Variants in ARHGEF10L observed in about 807,000 individuals in gnomAD.
The protein encoded by ARHGEF10L is Rho guanine nucleotide exchange factor 10 like, also known as rho guanine nucleotide exchange factor 10-like protein.
A neutral mutation model predicts 141.2 loss-of-function variants in ARHGEF10L; 69 were observed. That is an observed-to-expected ratio of 0.49 (90% CI 0.40 to 0.60). The LOEUF is 0.60. Ranked by LOEUF, ARHGEF10L falls within the 20% of genes least tolerant of loss-of-function variation. The pLI is 0.00. For missense variants in ARHGEF10L, 1,482 were observed against 1,734.3 expected (o/e 0.85, Z 2.58); for synonymous variants, 711 against 718.5 (o/e 0.99, Z 0.17).
At chr1:17,532,976 C>A in the ARHGEF10L span, among the ~76,000 whole-genome samples, 4 of 152,050 alleles carry the variant, frequency 2.6e-5, no homozygotes, top group Admixed American at 2.6e-4. Flanking sequence ...TTAACTGGTC[C>A]CTCTCTTTGC....
chr1:17,534,637 TG>T, the ARHGEF10L span, among the ~76,000 whole-genome samples: 2 of 150,532 alleles, frequency 1.3e-5, no homozygotes, highest in South Asian at 4.2e-4. Context: ...TTGCCCAGGC[TG>T]GAGTGCAGTG....
At chr1:17,593,119 C>T (rs1325409426) in intron 4 of ARHGEF10L, among the ~76,000 whole-genome samples, 1 of 152,190 alleles carries the variant, frequency 6.6e-6, no homozygotes, top group Non-Finnish European at 1.5e-5. Context: ...ACCTGGTTGG[C>T]ACATCTCTTC....
chr1:17,520,561 T>G, the ARHGEF10L span, among the ~76,000 whole-genome samples: 1 of 152,082 alleles, frequency 6.6e-6, no homozygotes, highest in Non-Finnish European at 1.5e-5. Flanking sequence ...TTGACACCCT[T>G]GTGTGTCAGG....
intron 6 of ARHGEF10L, among the ~76,000 whole-genome samples, chr1:17,605,426 C>A (rs912980512): frequency 3.9e-5 from 6 of 152,100 alleles, no homozygotes; most frequent in Non-Finnish European, 7.4e-5. Flanking sequence ...TTGATGAGGA[C>A]ACTGAGCAGG....
chr1:17,514,658 T>C, the ARHGEF10L span, among the ~76,000 whole-genome samples: 6 of 152,226 alleles, frequency 3.9e-5, no homozygotes, highest in Non-Finnish European at 8.8e-5. Flanking sequence ...GATGAAATCA[T>C]CTGGGAATTT....
intron 4 of ARHGEF10L, among the ~76,000 whole-genome samples, chr1:17,594,781 G>A (rs1259768491): frequency 1.3e-5 from 2 of 152,154 alleles, no homozygotes; most frequent in African/African-American, 2.4e-5. Context: ...CACCATACCC[G>A]GCCCCCTCAG....
intron 22 of ARHGEF10L, among the ~76,000 whole-genome samples, chr1:17,652,903 T>C (rs1270017337): frequency 6.6e-6 from 1 of 152,158 alleles, no homozygotes; most frequent in African/African-American, 2.4e-5. Context: ...CACAAGCTCA[T>C]TGGGCTGTGT....
the ARHGEF10L span, among the ~76,000 whole-genome samples, chr1:17,527,439 G>A: frequency 6.6e-6 from 1 of 152,216 alleles, no homozygotes; most frequent in African/African-American, 2.4e-5. Context: ...GAACTTGAGA[G>A]GCTGGCACGG....
At position 17,654,554 on chromosome 1, in the gene ARHGEF10L, G is replaced by A. The variant is rs1417794428; in HGVS notation, c.2395-82G>A. ...AGGGATTCTAATCCAGGGAGAGTTG[G>A]ATGGGGCCCAGGAATCTGCCAAATA... On this transcript the variant is annotated intron_variant, in intron 22 of 28. Coordinates refer to ENST00000361221, the MANE Select transcript of ARHGEF10L (RefSeq NM_018125.4). This position sits in a 1 kb window ranked among gnomAD's most constrained non-coding sequence, Gnocchi z 4.3. 1 of 1,246,360 alleles carries A rather than the reference G, an allele frequency of 8.0e-7. No individual in the cohort carries two copies. The highest frequency in any genetic ancestry group is 1.2e-6 in the Non-Finnish European group (1 of 845,998). 77.2% of individuals were successfully genotyped at this position (1,246,360 alleles called of 1,614,324 possible).
intron 1 of ARHGEF10L, among the ~76,000 whole-genome samples, chr1:17,542,409 A>C (rs1274991028): frequency 6.6e-6 from 1 of 152,190 alleles, no homozygotes; most frequent in Non-Finnish European, 1.5e-5. Flanking sequence ...TGATTGTGCC[A>C]CCGTACTACA....
chr1:17,615,867 GAA>G lies in ARHGEF10L; in HGVS notation c.727-221_727-220del. ...CTGCTCACATAGTCTGTCCTGAAAG[GAA>G]AAAAATCGGTTACAGCCTCCTGTTG... is the stretch of plus-strand genomic sequence containing the variant. On this transcript the variant is annotated intron_variant, in intron 8 of 28. Transcript: ENST00000361221. This position sits in a 1 kb window ranked among gnomAD's most constrained non-coding sequence, Gnocchi z 4.7. The G allele has an allele frequency of 3.8e-6, 2 of 524,600 alleles. No homozygotes were observed. The highest frequency in any genetic ancestry group is 4.8e-5 in the South Asian group (2 of 41,938). The allele number at this position is 524,600 out of a possible 1,614,324, so 32.5% of individuals were successfully genotyped here.
intron 1 of ARHGEF10L, among the ~76,000 whole-genome samples, chr1:17,565,988 T>C (rs1357070695): frequency 6.6e-6 from 1 of 152,156 alleles, no homozygotes. Flanking sequence ...ACAAGTACTG[T>C]AGCAGAATGC....
At chr1:17,617,970 G>A (rs2059899529) in intron 9 of ARHGEF10L, among the ~76,000 whole-genome samples, 1 of 152,182 alleles carries the variant, frequency 6.6e-6, no homozygotes, top group Non-Finnish European at 1.5e-5. Context: ...GACCATAAAT[G>A]GGTTTTCATC....
chr1:17,526,890 T>C, the ARHGEF10L span, among the ~76,000 whole-genome samples: 8 of 136,110 alleles, frequency 5.9e-5, no homozygotes, highest in African/African-American at 2.2e-4. Flanking sequence ...GACAAGAGAG[T>C]GAGACCCTGT....
rs141114044 is a variant in ARHGEF10L, at chr1:17,613,128, T to C, written c.680T>C (p.Val227Ala). 77 of 1,613,728 alleles carry C rather than the reference T, an allele frequency of 4.8e-5. No homozygotes were observed. The highest frequency in any genetic ancestry group is 6.3e-5 in the Non-Finnish European group (74 of 1,179,930). The change falls in exon 8 of 29, where the codon GTT becomes GCT. Residue 227 changes from valine (V) to alanine (A), a missense_variant. This residue lies in a region of ARHGEF10L where 392 missense variants were observed against 542.1 expected (regional missense o/e 0.72). Transcript: ENST00000361221. ...RTKRDILALRVGGRDMQELKH... is the reference protein window; with the variant it reads ...RTKRDILALRAGGRDMQELKH... Reference sequence around the variant, plus strand: ...AAGAGAGACATCTTGGCTTTGAGAGTTGGGGGGAGAGACATGCAGGAGCTG... The same window carrying C: ...AAGAGAGACATCTTGGCTTTGAGAGCTGGGGGGAGAGACATGCAGGAGCTG...
At chr1:17,611,805 G>A (rs1215275052) in intron 7 of ARHGEF10L, among the ~76,000 whole-genome samples, 1 of 152,096 alleles carries the variant, frequency 6.6e-6, no homozygotes, top group Admixed American at 6.5e-5. Context: ...ATTTGAGCAG[G>A]AGCCTACATG....
Position 17,558,863 on chromosome 1 carries a change from T to C in ARHGEF10L, c.-44+18913T>C, listed in dbSNP as rs1442452534. Among the ~76,000 whole-genome samples the C allele has an allele frequency of 6.6e-6, 1 of 152,178 alleles. No individual in the cohort carries two copies. Among genetic ancestry groups the C allele is most frequent in the African/African-American group, 2.4e-5 (1 of 41,444 alleles). Reference sequence around the variant, plus strand: ...GGACAACACTGTGCCACAGGCTCCCTGGGCTGGGCAGGGAGAATGGTGGGG... The same window carrying C: ...GGACAACACTGTGCCACAGGCTCCCCGGGCTGGGCAGGGAGAATGGTGGGG... On this transcript the variant is annotated intron_variant, in intron 1 of 28. Coordinates refer to ENST00000361221, the MANE Select transcript of ARHGEF10L (RefSeq NM_018125.4). This position sits in a 1 kb window ranked among gnomAD's most constrained non-coding sequence, Gnocchi z 4.2.
intron 16 of ARHGEF10L, among the ~76,000 whole-genome samples, chr1:17,632,955 G>A (rs1187279640): frequency 2.0e-5 from 3 of 152,222 alleles, no homozygotes; most frequent in African/African-American, 7.2e-5. Flanking sequence ...AATGCCCAAA[G>A]CCCGGCTGCT....
At position 17,656,288 on chromosome 1, in the gene ARHGEF10L, G is replaced by T. The variant is rs917669352; in HGVS notation, c.2705+186G>T. 6.6e-6 allele frequency among the ~76,000 whole-genome samples: 1 copy of T among 152,232 alleles called. No homozygotes were observed. Among genetic ancestry groups the T allele is most frequent in the Non-Finnish European group, 1.5e-5 (1 of 68,028 alleles). ...AGTGTCGGGAGCGGCCTGCAGTGCA[G>T]TTGCCTGGCTCCTCCCAGGCAGAAT... On this transcript the variant is annotated intron_variant, in intron 24 of 28. Transcript: ENST00000361221. This position sits in a 1 kb window ranked among gnomAD's most constrained non-coding sequence, Gnocchi z 4.9.
Sources: gnomAD v4.1 joint callset for allele counts (sites outside exome capture counted in the v4.1 genomes callset) on GRCh38, gnomAD v4.1.1 for gene constraint, gnomAD v4.1.1 regional missense constraint, Gnocchi (gnomAD v3.1) non-coding constraint, MANE v1.5 for transcripts, NCBI Gene and HGNC (gene_info 2026-07-23, HGNC 2026-07-21) for gene names.